The following SLC1A2 variants were observed in gnomAD, a reference collection of about 807,000 sequenced individuals.
SLC1A2 encodes solute carrier family 1 member 2.
A neutral mutation model predicts 48.8 loss-of-function variants in SLC1A2; 15 were observed. That is an observed-to-expected ratio of 0.31 (90% CI 0.21 to 0.47). The LOEUF is 0.47. SLC1A2 is among the 20% of genes least tolerant of loss of function. The pLI, the probability that SLC1A2 is intolerant of heterozygous loss-of-function variation, is 0.99. For missense variants in SLC1A2, 502 were observed against 730.5 expected, an observed-to-expected ratio of 0.69 and a Z score of 3.61; for synonymous variants, 279 against 272.6, an observed-to-expected ratio of 1.02 and a Z score of -0.23.
chr11:35,313,151 T>C (rs1851759358), intron 3 of SLC1A2, among the ~76,000 whole-genome samples: 1 of 152,230 alleles, frequency 6.6e-6, no homozygotes, highest in Non-Finnish European at 1.5e-5. Context: ...AGTTTTTAAC[T>C]TGTTTATTTA....
intron 1 of SLC1A2, among the ~76,000 whole-genome samples, chr11:35,319,203 A>T (rs1315614630): frequency 1.3e-5 from 2 of 152,176 alleles, no homozygotes; most frequent in East Asian, 3.8e-4. Flanking sequence ...AACAAATATC[A>T]CTTCCTCCCC....
intron 1 of SLC1A2, among the ~76,000 whole-genome samples, chr11:35,369,653 A>G (rs10836382): frequency 0.28 from 42,935 of 152,096 alleles, 6,206 homozygotes; most frequent in African/African-American, 0.33. Context: ...AAAAGAACTT[A>G]GAATTTCTAC....
chr11:35,301,455 T>A, intron 6 of SLC1A2, 64 bp downstream of exon 6: 1 of 1,538,260 alleles, frequency 6.5e-7, no homozygotes, highest in Non-Finnish European at 8.9e-7. Flanking sequence ...AGAGCTCCAG[T>A]ATCCTCTGGG....
chr11:35,291,043 C>A (rs11033055), intron 7 of SLC1A2, among the ~76,000 whole-genome samples: 1 of 151,862 alleles, frequency 6.6e-6, no homozygotes, highest in African/African-American at 2.4e-5. Flanking sequence ...CTGCGTCATG[C>A]AGTGGCACCT....
At chr11:35,393,460 C>T (rs544888787) in intron 1 of SLC1A2, among the ~76,000 whole-genome samples, 5 of 152,294 alleles carry the variant, frequency 3.3e-5, no homozygotes, top group South Asian at 2.1e-4. Flanking sequence ...GGCTCTTCCC[C>T]GGTCATTTTA....
Position 35,317,496 on chromosome 11 carries a change from T to G in SLC1A2, c.38A>C (p.Gln13Pro), listed in dbSNP as rs377114527. The change falls in exon 2 of 11, where the codon CAG becomes CCG. Residue 13 changes from glutamine to proline, a missense_variant. Physicochemically the swap from Gln to Pro is moderately conservative, Grantham distance 76. Coordinates refer to ENST00000278379, the MANE Select transcript of SLC1A2 (RefSeq NM_004171.4). Reference protein sequence around the residue: ...STEGANNMPKQVEVRMHDSHL... With the variant: ...STEGANNMPKPVEVRMHDSHL... ...ACTGTCGTGCATTCGCACTTCCACC[T>G]GCTTGGGCATATTGTTGGCACTGGA... 4.6e-5 allele frequency: 74 copies of G among 1,613,784 alleles called. No individual in the cohort carries two copies. The highest frequency in any genetic ancestry group is 6.1e-5 in the Non-Finnish European group (72 of 1,179,978).
chr11:35,306,129 C>T lies in SLC1A2; in HGVS notation c.675G>A (p.Glu225=), dbSNP rs1410934002. ...LNETVTEVPE[E]TKMVIKKGLE... ...GGCCCTTCTTGATAACCATCTTAGT[C>T]TCCTCCGGCACCTCAGTCACAGTCT... Residue 225 remains glutamate (E), a synonymous_variant, in exon 5 of 11, where the codon GAG becomes GAA. Transcript: ENST00000278379. 6.2e-7 allele frequency: 1 copy of T among 1,614,096 alleles called. No individual in the cohort carries two copies. Among genetic ancestry groups the T allele is most frequent in the South Asian group, 1.1e-5 (1 of 91,066 alleles).
chr11:35,335,175 A>G (rs1852583155), intron 1 of SLC1A2, among the ~76,000 whole-genome samples: 1 of 151,912 alleles, frequency 6.6e-6, no homozygotes, highest in Non-Finnish European at 1.5e-5. Context: ...GATGGGGGGG[A>G]AGTGTGTGTA....
intron 1 of SLC1A2, chr11:35,322,653 T>C (rs1418490160): frequency 6.5e-7 from 1 of 1,534,548 alleles, no homozygotes; most frequent in Non-Finnish European, 8.7e-7. Flanking sequence ...GTCCAGAGAT[T>C]GCCCTACTGG....
chr11:35,419,643 C>G (rs1311150915), upstream of SLC1A2: 1 of 160,548 alleles, frequency 6.2e-6, no homozygotes, highest in South Asian at 1.5e-4. This position sits in a 1 kb window ranked among gnomAD's most constrained non-coding sequence, Gnocchi z 5.4. Context: ...TCCCTCCCCC[C>G]AGCCTCTCGC....
chr11:35,327,378 T>C (rs1192371850), intron 1 of SLC1A2, among the ~76,000 whole-genome samples: 1 of 152,182 alleles, frequency 6.6e-6, no homozygotes, highest in Non-Finnish European at 1.5e-5. Flanking sequence ...CAGGTACTAA[T>C]TTTGCCCAAA....
intron 1 of SLC1A2, among the ~76,000 whole-genome samples, chr11:35,329,875 GTT>G (rs1852374094): frequency 6.6e-6 from 1 of 152,136 alleles, no homozygotes. Flanking sequence ...AATAATAACA[GTT>G]GCCATCAGAC....
intron 1 of SLC1A2, among the ~76,000 whole-genome samples, chr11:35,406,378 G>A (rs974558471): frequency 3.3e-5 from 5 of 152,126 alleles, no homozygotes; most frequent in Admixed American, 1.3e-4. Context: ...ATGCAGTGAA[G>A]GAAGCAAACA....
At chr11:35,278,255 T>C (rs1406780969) in intron 9 of SLC1A2, among the ~76,000 whole-genome samples, 1 of 149,514 alleles carries the variant, frequency 6.7e-6, no homozygotes, top group Non-Finnish European at 1.5e-5. Context: ...GAGCCACTTC[T>C]TACTTCTGTT....
At position 35,253,136 on chromosome 11, in the gene SLC1A2, G is replaced by C. The variant is rs1275683746; in HGVS notation, c.*7758C>G. 6.6e-6 allele frequency: 1 copy of C among 152,142 alleles called. No homozygotes were observed. The highest frequency in any genetic ancestry group is 1.5e-5 in the Non-Finnish European group (1 of 68,018). 9.4% of individuals were successfully genotyped at this position (152,142 alleles called of 1,614,324 possible). On this transcript the variant is annotated 3_prime_UTR_variant, in exon 11 of 11. Transcript: ENST00000278379. ...TTTTACCTTTCGGGGAAGTTATATA[G>C]TCTGTTATTCACCTGAGGACAGAAA...
intron 2 of SLC1A2, chr11:35,317,096 C>T (rs1714568074): frequency 5.6e-6 from 2 of 355,990 alleles, no homozygotes; most frequent in Non-Finnish European, 1.0e-5. Context: ...TTCAGGTGGC[C>T]CAAAGCAAAG....
Position 35,312,227 on chromosome 11 carries a change from C to T in SLC1A2, c.532G>A (p.Glu178Lys). Residue 178 changes from glutamate (E) to lysine (K), a missense_variant, in exon 4 of 11, where the codon GAA (glutamate) becomes AAA (lysine). Glu to Lys is a moderately conservative substitution (Grantham distance 56, BLOSUM62 1). Coordinates refer to ENST00000278379, the MANE Select transcript of SLC1A2 (RefSeq NM_004171.4). ...FLDLIRNLFP[E>K]NLVQACFQQI... ...TGAAAGCAGGCTTGGACAAGGTTTTCAGGGAAGAGATTTCGAATAAGGTCC... is the reference window on the plus strand; with the variant it reads ...TGAAAGCAGGCTTGGACAAGGTTTTTAGGGAAGAGATTTCGAATAAGGTCC... 1.2e-6 allele frequency: 2 copies of T among 1,614,196 alleles called. No individual in the cohort carries two copies. Among genetic ancestry groups the T allele is most frequent in the Non-Finnish European group, 1.7e-6 (2 of 1,180,010 alleles).
chr11:35,290,791 T>A (rs1168688651), intron 7 of SLC1A2, among the ~76,000 whole-genome samples: 1 of 151,560 alleles, frequency 6.6e-6, no homozygotes, highest in Non-Finnish European at 1.5e-5. Flanking sequence ...AATTTATAAA[T>A]CAAGAAGGAA....
At chr11:35,408,740 G>A (rs1012973158) in intron 1 of SLC1A2, among the ~76,000 whole-genome samples, 1 of 152,180 alleles carries the variant, frequency 6.6e-6, no homozygotes, top group Non-Finnish European at 1.5e-5. Flanking sequence ...TTATCTGACA[G>A]TGAATAGTGA....
Sources: gnomAD v4.1 joint callset for allele counts (sites outside exome capture counted in the v4.1 genomes callset) on GRCh38, gnomAD v4.1.1 for gene constraint, Gnocchi (gnomAD v3.1) non-coding constraint, MANE v1.5 for transcripts, NCBI Gene and HGNC (gene_info 2026-07-23, HGNC 2026-07-21) for gene names.